The following PTPRZ1 variants were observed in gnomAD, a reference collection of about 807,000 sequenced individuals.
The protein encoded by PTPRZ1 is protein tyrosine phosphatase receptor type Z1, also known as receptor-type tyrosine-protein phosphatase zeta.
A neutral mutation model predicts 214.1 loss-of-function variants in PTPRZ1; 82 were observed. That is an observed-to-expected ratio of 0.38 (90% CI 0.32 to 0.46). PTPRZ1 has a LOEUF of 0.46. PTPRZ1 is among the 20% of genes least tolerant of loss of function. PTPRZ1 has a pLI of 1.00. For missense variants in PTPRZ1, 2,603 were observed against 2,748.7 expected, an observed-to-expected ratio of 0.95 and a Z score of 1.19; for synonymous variants, 945 against 987.9, an observed-to-expected ratio of 0.96 and a Z score of 0.81.
In PTPRZ1 at chr7:122,012,416, T is replaced by G; in HGVS notation, c.3370T>G (p.Ser1124Ala). 6.2e-7 allele frequency: 1 copy of G among 1,614,000 alleles called. No individual in the cohort carries two copies. The highest frequency in any genetic ancestry group is 1.1e-5 in the South Asian group (1 of 91,082). Residue 1124 changes from serine to alanine, a missense_variant, in exon 12 of 30, where the codon TCA (serine) becomes GCA (alanine). Transcript: ENST00000393386. ...EISQVPENNF[S>A]VQPTHTVSQA... ...TAGTCAAGTTCCAGAAAATAACTTT[T>G]CAGTTCAACCTACACATACTGTCTC...
intron 14 of PTPRZ1, among the ~76,000 whole-genome samples, chr7:122,029,387 A>C (rs1799305431): frequency 6.6e-6 from 1 of 152,036 alleles, no homozygotes; most frequent in Admixed American, 6.6e-5. Context: ...GTGCATGTGC[A>C]GGTTTGCTAC....
intron 1 of PTPRZ1, among the ~76,000 whole-genome samples, chr7:121,874,890 A>G (rs1794005064): frequency 1.3e-5 from 2 of 152,170 alleles, no homozygotes; most frequent in Admixed American, 1.3e-4. Flanking sequence ...TTGAATTCAC[A>G]TTTCTATTGT....
chr7:122,050,834 C>T (rs1488001322), intron 23 of PTPRZ1, among the ~76,000 whole-genome samples: 1 of 152,104 alleles, frequency 6.6e-6, no homozygotes, highest in Non-Finnish European at 1.5e-5. Flanking sequence ...ATTTACCCGA[C>T]TGTCAAAAAT....
intron 1 of PTPRZ1, among the ~76,000 whole-genome samples, chr7:121,892,539 T>G (rs2116221372): frequency 6.6e-6 from 1 of 151,470 alleles, no homozygotes; most frequent in African/African-American, 2.4e-5. Flanking sequence ...AACAAAATAA[T>G]TAAATATATT....
intron 1 of PTPRZ1, among the ~76,000 whole-genome samples, chr7:121,925,063 T>C (rs899424888): frequency 6.6e-6 from 1 of 152,136 alleles, no homozygotes; most frequent in Non-Finnish European, 1.5e-5. Context: ...ATCGTTGATA[T>C]TGAGGGAGGA....
chr7:122,050,755 G>A (rs774137617), intron 23 of PTPRZ1, among the ~76,000 whole-genome samples: 1 of 151,988 alleles, frequency 6.6e-6, no homozygotes, highest in Admixed American at 6.6e-5. Context: ...AATGACTAAT[G>A]AGCACCAAAA....
intron 11 of PTPRZ1, among the ~76,000 whole-genome samples, chr7:122,008,308 G>T (rs1798552549): frequency 6.6e-6 from 1 of 152,050 alleles, no homozygotes; most frequent in Non-Finnish European, 1.5e-5. Context: ...TAACTAGAAG[G>T]TGAATTAGAG....
At chr7:121,955,095 A>G (rs1253173776) in intron 2 of PTPRZ1, among the ~76,000 whole-genome samples, 4 of 152,258 alleles carry the variant, frequency 2.6e-5, no homozygotes, top group Non-Finnish European at 5.9e-5. Flanking sequence ...GAAGGATACC[A>G]GGTTGCCACT....
chr7:122,059,999 G>A, intron 29 of PTPRZ1, 111 bp downstream of exon 29: 3 of 1,077,602 alleles, frequency 2.8e-6, no homozygotes, highest in Non-Finnish European at 2.6e-6. Context: ...GATAACATTA[G>A]TATGTAGTTT....
At chr7:121,917,400 T>G (rs545321340) in intron 1 of PTPRZ1, among the ~76,000 whole-genome samples, 23 of 152,230 alleles carry the variant, frequency 1.5e-4, no homozygotes, top group African/African-American at 5.3e-4. Flanking sequence ...TACTTACCCT[T>G]AAAACTAAAG....
At chr7:121,909,427 C>T (rs577149877) in intron 1 of PTPRZ1, among the ~76,000 whole-genome samples, 1 of 152,190 alleles carries the variant, frequency 6.6e-6, no homozygotes, top group African/African-American at 2.4e-5. Context: ...AGTGGAAATT[C>T]TATATTACTT....
At chr7:121,943,779 T>A (rs1796299792) in intron 2 of PTPRZ1, among the ~76,000 whole-genome samples, 1 of 152,220 alleles carries the variant, frequency 6.6e-6, no homozygotes, top group Non-Finnish European at 1.5e-5. Context: ...ACAAATTTAA[T>A]GTCTAACAAA....
intron 1 of PTPRZ1, among the ~76,000 whole-genome samples, chr7:121,919,551 TC>T (rs1795528893): frequency 6.6e-6 from 1 of 152,086 alleles, no homozygotes; most frequent in Non-Finnish European, 1.5e-5. Context: ...TAGAAATGCA[TC>T]CCCCATCTTA....
chr7:122,041,689 C>CA (rs1234763584), intron 21 of PTPRZ1, among the ~76,000 whole-genome samples: 1 of 152,124 alleles, frequency 6.6e-6, no homozygotes, highest in African/African-American at 2.4e-5. Context: ...CCTTAGATCA[C>CA]AAAAATCAAA....
intron 2 of PTPRZ1, among the ~76,000 whole-genome samples, chr7:121,935,500 T>G (rs531873588): frequency 2.0e-5 from 3 of 151,824 alleles, no homozygotes; most frequent in Admixed American, 1.3e-4. Context: ...GGTTTTTGTT[T>G]GTTCGTTTGT....
At chr7:122,059,256 C>T (rs1792483558) in intron 28 of PTPRZ1, 1 of 188,218 alleles carries the variant, frequency 5.3e-6, no homozygotes, top group Non-Finnish European at 1.1e-5. Flanking sequence ...GAGGCATTTT[C>T]AGTCATTGAT....
At chr7:121,912,566 G>A (rs1795310489) in intron 1 of PTPRZ1, among the ~76,000 whole-genome samples, 1 of 152,148 alleles carries the variant, frequency 6.6e-6, no homozygotes, top group South Asian at 2.1e-4. Context: ...AGTGCATTTG[G>A]TAAAGAAGCG....
At chr7:121,953,394 G>A (rs1175041518) in intron 2 of PTPRZ1, among the ~76,000 whole-genome samples, 2 of 152,186 alleles carry the variant, frequency 1.3e-5, no homozygotes, top group Admixed American at 6.5e-5. Context: ...AAAGGTAGAT[G>A]AATGGAAAAG....
chr7:121,952,267 T>TC (rs1796573401), intron 2 of PTPRZ1, among the ~76,000 whole-genome samples: 1 of 22,648 alleles, frequency 4.4e-5, no homozygotes, highest in East Asian at 1.9e-3. Flanking sequence ...GAGTGTTTTT[T>TC]TTTTTGTTTG....
Sources: gnomAD v4.1 joint callset for allele counts (sites outside exome capture counted in the v4.1 genomes callset) on GRCh38, gnomAD v4.1.1 for gene constraint, MANE v1.5 for transcripts, NCBI Gene and HGNC (gene_info 2026-07-23, HGNC 2026-07-21) for gene names.